Variants in DEF6 observed in about 807,000 individuals in gnomAD.
DEF6 encodes the protein differentially expressed in FDCP 6 homolog.
In DEF6, 32 loss-of-function variants were observed where a neutral mutation model predicts 80.5. The ratio of observed to expected loss-of-function variants is 0.40; its 90% CI spans 0.30 to 0.53. The LOEUF (loss-of-function observed/expected upper bound fraction) is 0.53, where lower values mean the gene tolerates loss of function less well. Among genes scored for constraint, DEF6 ranks in the 20% least tolerant of loss-of-function variants. The pLI, the probability that DEF6 is intolerant of heterozygous loss-of-function variation, is 0.57. For missense variants in DEF6, 575 were observed against 818.7 expected, an observed-to-expected ratio of 0.70 and a Z score of 3.63; for synonymous variants, 300 against 337.9, an observed-to-expected ratio of 0.89 and a Z score of 1.23.
Position 35,316,164 on chromosome 6 carries a change from C to T in DEF6, c.808-1727C>T, listed in dbSNP as rs577919449. ...GATTACAGGTATAAGCCACTGTGCCCGGCCTTTTTTTTTTTTTTAAGAGAG... is the reference window on the plus strand; with the variant it reads ...GATTACAGGTATAAGCCACTGTGCCTGGCCTTTTTTTTTTTTTTAAGAGAG... On this transcript the variant is annotated intron_variant, in intron 5 of 10. Transcript: ENST00000316637. 2.5e-3 allele frequency: 178 copies of T among 70,854 alleles called. 1 individual carries two copies. Among genetic ancestry groups the T allele is most frequent in the African/African-American group, 8.1e-3 (168 of 20,640 alleles). 4.4% of individuals were successfully genotyped at this position (70,854 alleles called of 1,614,324 possible).
At chr6:35,299,964 C>A (rs1791293871) in intron 1 of DEF6, among the ~76,000 whole-genome samples, 1 of 152,124 alleles carries the variant, frequency 6.6e-6, no homozygotes, top group Admixed American at 6.5e-5. Context: ...ACAAGCAGGG[C>A]CCACCTCTCC....
In DEF6 at chr6:35,318,307, C is replaced by A; in HGVS notation, c.1051C>A (p.Gln351Lys). 7 of 1,551,126 alleles carry A rather than the reference C, an allele frequency of 4.5e-6. No homozygotes were observed. Among genetic ancestry groups the A allele is most frequent in the Non-Finnish European group, 5.2e-6 (6 of 1,149,042 alleles). Residue 351 changes from glutamine (Q) to lysine (K), a missense_variant, in exon 7 of 11, where the codon CAG becomes AAG. By Grantham distance (53) the Gln-to-Lys change is moderately conservative. Transcript: ENST00000316637. This position sits in a 1 kb window ranked among gnomAD's most constrained non-coding sequence, Gnocchi z 5.1. ...AAKEEELLRL[Q>K]QLQEEKERKL... ...CAAGGAAGAGGAGCTGCTGCGGCTGCAGCAGCTGCAGGAGGAGAAGGAGCG... is the reference window on the plus strand; with the variant it reads ...CAAGGAAGAGGAGCTGCTGCGGCTGAAGCAGCTGCAGGAGGAGAAGGAGCG...
At chr6:35,306,263 C>T (rs1001393253) in intron 1 of DEF6, among the ~76,000 whole-genome samples, 1 of 151,016 alleles carries the variant, frequency 6.6e-6, no homozygotes, top group Admixed American at 6.6e-5. Flanking sequence ...GTAACCCCAG[C>T]ACTTTGGGAG....
At position 35,319,525 on chromosome 6, in the gene DEF6, C is replaced by T. The variant is rs1474052659; in HGVS notation, c.1217C>T (p.Ala406Val). Reference sequence around the variant, plus strand: ...GTCCACCACCTCCCCCCTCCACAGGCCCGGGCCTCCATGCAGGCTGAGATG... The same window carrying T: ...GTCCACCACCTCCCCCCTCCACAGGTCCGGGCCTCCATGCAGGCTGAGATG... ...LEGQLREAEQARASMQAEMEL... is the reference protein window; with the variant it reads ...LEGQLREAEQVRASMQAEMEL... The change falls in exon 8 of 11, where the codon GCC becomes GTC. Residue 406 changes from alanine (A) to valine (V), a missense_variant and splice_region_variant. Coordinates refer to ENST00000316637, the MANE Select transcript of DEF6 (RefSeq NM_022047.4). This position sits in a 1 kb window ranked among gnomAD's most constrained non-coding sequence, Gnocchi z 4.5. 1.2e-6 allele frequency: 2 copies of T among 1,610,586 alleles called. No homozygotes were observed. Among genetic ancestry groups the T allele is most frequent in the East Asian group, 2.2e-5 (1 of 44,794 alleles).
chr6:35,299,880 G>T (rs968210724), intron 1 of DEF6, among the ~76,000 whole-genome samples: 1 of 152,070 alleles, frequency 6.6e-6, no homozygotes, highest in Non-Finnish European at 1.5e-5. Context: ...GTTGGGGGGC[G>T]GGGATTCCAG....
At chr6:35,310,209 T>C (rs1054633585) in intron 2 of DEF6, among the ~76,000 whole-genome samples, 8 of 152,166 alleles carry the variant, frequency 5.3e-5, no homozygotes, top group African/African-American at 1.7e-4. Context: ...TCCTTCTTTG[T>C]CCTCTGGGCT....
intron 1 of DEF6, among the ~76,000 whole-genome samples, chr6:35,298,968 C>T (rs759576958): frequency 6.6e-5 from 10 of 152,154 alleles, no homozygotes; most frequent in Admixed American, 4.6e-4. Flanking sequence ...TCTTAATGAC[C>T]GAGGTAGAGG....
chr6:35,320,555 C>T (rs993347548), intron 9 of DEF6, among the ~76,000 whole-genome samples: 1 of 152,302 alleles, frequency 6.6e-6, no homozygotes, highest in East Asian at 1.9e-4. Flanking sequence ...GGGCAAGTCA[C>T]TTAACCTCTT....
At chr6:35,305,720 C>T (rs1340720024) in intron 1 of DEF6, among the ~76,000 whole-genome samples, 1 of 151,910 alleles carries the variant, frequency 6.6e-6, no homozygotes, top group African/African-American at 2.4e-5. Flanking sequence ...TTACAGCCGC[C>T]TGCCATCACA....
At chr6:35,308,667 C>T (rs1020769170) in intron 1 of DEF6, among the ~76,000 whole-genome samples, 2 of 114,628 alleles carry the variant, frequency 1.7e-5, no homozygotes, top group East Asian at 2.2e-4. Flanking sequence ...AGTAAGACTC[C>T]GTCTCAAAAT....
Position 35,319,697 on chromosome 6 carries a change from C to T in DEF6, c.1382+7C>T. 1.2e-6 allele frequency: 2 copies of T among 1,607,316 alleles called. No homozygotes were observed. Among genetic ancestry groups the T allele is most frequent in the Admixed American group, 1.7e-5 (1 of 59,672 alleles). On this transcript the variant is annotated splice_region_variant and intron_variant, in intron 8 of 10. Coordinates refer to ENST00000316637, the MANE Select transcript of DEF6 (RefSeq NM_022047.4). The surrounding 1 kb of genome is among the most constrained non-coding windows in gnomAD (Gnocchi z 4.5). ...TGCGAATCGCTCAGACCAGGTAGGC[C>T]TGAGGAACCTCTTCTGGTTCTCTCA...
At chr6:35,308,928 T>C (rs944945689) in intron 1 of DEF6, among the ~76,000 whole-genome samples, 7 of 152,118 alleles carry the variant, frequency 4.6e-5, no homozygotes, top group Admixed American at 2.0e-4. Context: ...TCAACCCCTT[T>C]ATTCTAATAT....
intron 1 of DEF6, among the ~76,000 whole-genome samples, chr6:35,309,436 T>G (rs1791434222): frequency 6.6e-6 from 1 of 152,146 alleles, no homozygotes; most frequent in African/African-American, 2.4e-5. Flanking sequence ...GAGTTTTCAT[T>G]TGTAAAATGG....
In DEF6 at chr6:35,299,901, G is replaced by A. The variant is rs115690428; in HGVS notation, c.96+1949G>A. Among the ~76,000 whole-genome samples, 345 of 152,250 alleles carry A rather than the reference G, an allele frequency of 2.3e-3. 1 individual carries two copies. Among genetic ancestry groups the A allele is most frequent in the Admixed American group, 3.9e-3 (60 of 15,294 alleles). The stretch of plus-strand genomic sequence containing the variant: ...GGGCGGGGATTCCAGCAAAGCAAAG[G>A]AGTAATAGAGAAGTGGTCAAAAGGC... On this transcript the variant is annotated intron_variant, in intron 1 of 10. Coordinates refer to ENST00000316637, the MANE Select transcript of DEF6 (RefSeq NM_022047.4).
At chr6:35,309,866 C>A in intron 2 of DEF6, 56 bp downstream of exon 2, 3 of 1,597,924 alleles carry the variant, frequency 1.9e-6, no homozygotes, top group Non-Finnish European at 1.7e-6. Flanking sequence ...TCCAGCCTGG[C>A]CAGCAGCCTA....
chr6:35,303,491 G>C (rs1791343899), intron 1 of DEF6, among the ~76,000 whole-genome samples: 1 of 152,178 alleles, frequency 6.6e-6, no homozygotes, highest in African/African-American at 2.4e-5. Context: ...GATACTTAAT[G>C]AGCATCCATT....
chr6:35,318,494 G>A lies in DEF6; in HGVS notation c.1215+23G>A. The A allele has an allele frequency of 7.3e-7, 1 of 1,376,452 alleles. No individual in the cohort carries two copies. Among genetic ancestry groups the A allele is most frequent in the Non-Finnish European group, 9.3e-7 (1 of 1,073,766 alleles). 85.3% of individuals were successfully genotyped at this position (1,376,452 alleles called of 1,614,324 possible). On this transcript the variant is annotated intron_variant, in intron 7 of 10. Transcript: ENST00000316637. The surrounding 1 kb of genome is among the most constrained non-coding windows in gnomAD (Gnocchi z 5.1). ...CAGGTGGGGTTAGCTCCCGGCGCCG[G>A]GGACGGGACCGGTGGGCTGGGAGGC...
intron 1 of DEF6, among the ~76,000 whole-genome samples, chr6:35,309,447 G>T (rs1486347521): frequency 6.6e-6 from 1 of 152,208 alleles, no homozygotes; most frequent in African/African-American, 2.4e-5. Flanking sequence ...TGTAAAATGG[G>T]TATATGAGTA....
intron 1 of DEF6, among the ~76,000 whole-genome samples, chr6:35,302,884 C>T (rs535018473): frequency 3.4e-4 from 52 of 152,262 alleles, no homozygotes; most frequent in Non-Finnish European, 5.6e-4. Context: ...TTGGGCAAGA[C>T]GCTTCCTCTC....
Sources: gnomAD v4.1 joint callset for allele counts (sites outside exome capture counted in the v4.1 genomes callset) on GRCh38, gnomAD v4.1.1 for gene constraint, Gnocchi (gnomAD v3.1) non-coding constraint, MANE v1.5 for transcripts, NCBI Gene and HGNC (gene_info 2026-07-23, HGNC 2026-07-21) for gene names.